The following ACOXL variants were observed in gnomAD, a reference collection of about 807,000 sequenced individuals.
ACOXL encodes the protein acyl-coenzyme A oxidase-like protein.
In ACOXL, 70 loss-of-function variants were observed where a neutral mutation model predicts 71.9. The ratio of observed to expected loss-of-function variants is 0.97; its 90% CI spans 0.80 to 1.19. The LOEUF (loss-of-function observed/expected upper bound fraction) is 1.19, where lower values mean the gene tolerates loss of function less well. Ranked by LOEUF, ACOXL falls within the 50% of genes most tolerant of loss-of-function variation. The pLI, the probability that ACOXL is intolerant of heterozygous loss-of-function variation, is 0.00. For missense variants in ACOXL, 703 were observed against 736.3 expected (o/e 0.95, Z 0.52); for synonymous variants, 253 against 281.6 (o/e 0.90, Z 1.02).
At chr2:110,790,970 C>G (rs1014890895) in intron 3 of ACOXL, among the ~76,000 whole-genome samples, 6 of 152,216 alleles carry the variant, frequency 3.9e-5, no homozygotes, top group Non-Finnish European at 8.8e-5. Context: ...CAGAATCTAC[C>G]CTGAATCCCT....
chr2:110,932,886 G>A (rs943499056), intron 11 of ACOXL, among the ~76,000 whole-genome samples: 2 of 152,168 alleles, frequency 1.3e-5, no homozygotes, highest in African/African-American at 2.4e-5. Flanking sequence ...ATGGTTGCAC[G>A]TATGGTCATG....
chr2:110,866,264 G>A (rs560154686), intron 10 of ACOXL, among the ~76,000 whole-genome samples: 9 of 152,332 alleles, frequency 5.9e-5, no homozygotes, highest in Non-Finnish European at 1.2e-4. Flanking sequence ...GGCAGGAGAG[G>A]AGGGGCAGAG....
intron 14 of ACOXL, among the ~76,000 whole-genome samples, chr2:111,013,582 A>G (rs1018525427): frequency 6.6e-6 from 1 of 151,724 alleles, no homozygotes; most frequent in Non-Finnish European, 1.5e-5. Context: ...AATGTCTGTT[A>G]AATGAATTTA....
chr2:110,764,775 C>A (rs1334147985), intron 1 of ACOXL, among the ~76,000 whole-genome samples: 1 of 152,140 alleles, frequency 6.6e-6, no homozygotes. Context: ...ATCTCTGTAT[C>A]TTTTAATCAA....
chr2:110,803,781 A>G (rs954148210), intron 8 of ACOXL, among the ~76,000 whole-genome samples: 3 of 152,256 alleles, frequency 2.0e-5, no homozygotes, highest in African/African-American at 4.8e-5. Flanking sequence ...ATATAAGGGT[A>G]TAGTATCCAC....
chr2:111,025,004 C>T (rs1306893266), intron 14 of ACOXL, among the ~76,000 whole-genome samples: 1 of 151,956 alleles, frequency 6.6e-6, no homozygotes, highest in African/African-American at 2.4e-5. Flanking sequence ...ATAACCACCA[C>T]TAGCATCTGG....
At chr2:110,788,857 G>T (rs1684304230) in intron 3 of ACOXL, among the ~76,000 whole-genome samples, 1 of 152,212 alleles carries the variant, frequency 6.6e-6, no homozygotes, top group Non-Finnish European at 1.5e-5. Flanking sequence ...AGGGCATGTG[G>T]TGTGCTGGGA....
intron 11 of ACOXL, among the ~76,000 whole-genome samples, chr2:110,933,227 C>G (rs1261707920): frequency 6.6e-6 from 1 of 152,258 alleles, no homozygotes; most frequent in East Asian, 1.9e-4. Flanking sequence ...AACTTTTTCT[C>G]TATATATCCC....
chr2:110,767,523 T>C (rs996098275), intron 1 of ACOXL, among the ~76,000 whole-genome samples: 1 of 152,178 alleles, frequency 6.6e-6, no homozygotes, highest in Non-Finnish European at 1.5e-5. Context: ...CTCTAGAACC[T>C]TGTGAGGCTC....
At chr2:111,094,809 A>G (rs918231272) in intron 17 of ACOXL, among the ~76,000 whole-genome samples, 13 of 152,188 alleles carry the variant, frequency 8.5e-5, no homozygotes. Flanking sequence ...TGCTGGGGCT[A>G]AGGGTTCACA....
At chr2:110,814,916 C>G (rs889103459) in intron 9 of ACOXL, among the ~76,000 whole-genome samples, 1 of 151,876 alleles carries the variant, frequency 6.6e-6, no homozygotes, top group Non-Finnish European at 1.5e-5. Flanking sequence ...TTCTAATTGC[C>G]TTTGTTTTTT....
chr2:110,866,437 T>G (rs1298273989), intron 10 of ACOXL, among the ~76,000 whole-genome samples: 2 of 151,946 alleles, frequency 1.3e-5, no homozygotes, highest in African/African-American at 2.4e-5. Flanking sequence ...TCATTTAGAA[T>G]GAAGACATGA....
intron 10 of ACOXL, among the ~76,000 whole-genome samples, chr2:110,906,663 C>A (rs2059462772): frequency 6.7e-6 from 1 of 149,212 alleles, no homozygotes; most frequent in South Asian, 2.1e-4. Context: ...TGTGGTCAAT[C>A]ACTGCTTTTG....
At chr2:110,912,145 A>G (rs2059672703) in intron 11 of ACOXL, among the ~76,000 whole-genome samples, 1 of 152,134 alleles carries the variant, frequency 6.6e-6, no homozygotes, top group Admixed American at 6.5e-5. Context: ...TATGGAATAT[A>G]TGTTCATGGA....
At chr2:110,846,663 A>G (rs1004768517) in intron 10 of ACOXL, among the ~76,000 whole-genome samples, 1 of 151,892 alleles carries the variant, frequency 6.6e-6, no homozygotes, top group South Asian at 2.1e-4. Flanking sequence ...ACACACACAC[A>G]CACACACACA....
At chr2:111,006,738 TAGTAG>T (rs1424821466) in intron 14 of ACOXL, among the ~76,000 whole-genome samples, 1 of 152,064 alleles carries the variant, frequency 6.6e-6, no homozygotes, top group East Asian at 1.9e-4. Flanking sequence ...TTTGTATTTT[TAGTAG>T]AGATGGGATT....
chr2:111,034,433 T>C (rs2065417512), intron 15 of ACOXL, among the ~76,000 whole-genome samples: 1 of 152,202 alleles, frequency 6.6e-6, no homozygotes, highest in Non-Finnish European at 1.5e-5. Flanking sequence ...GGAGAAAATA[T>C]CAAGGATTTG....
chr2:110,822,022 G>A (rs1343276761), intron 9 of ACOXL, among the ~76,000 whole-genome samples: 1 of 151,806 alleles, frequency 6.6e-6, no homozygotes, highest in African/African-American at 2.4e-5. Flanking sequence ...TATACAAGAT[G>A]CCCCAGGCTC....
intron 14 of ACOXL, among the ~76,000 whole-genome samples, chr2:111,031,252 G>C (rs529086819): frequency 6.6e-6 from 1 of 151,844 alleles, no homozygotes; most frequent in Admixed American, 6.6e-5. Context: ...AGGGAACGTG[G>C]GCTGGTTATG....
Sources: gnomAD v4.1 joint callset for allele counts (sites outside exome capture counted in the v4.1 genomes callset) on GRCh38, gnomAD v4.1.1 for gene constraint, MANE v1.5 for transcripts, NCBI Gene and HGNC (gene_info 2026-07-23, HGNC 2026-07-21) for gene names.